Variants in SEMA5A observed in about 807,000 individuals in gnomAD.
The protein encoded by SEMA5A is semaphorin 5A, also known as semaphorin-5A.
Under a neutral mutation model 135.5 loss-of-function variants are expected in SEMA5A, and 55 were observed. The ratio of observed to expected loss-of-function variants is 0.41; its 90% CI spans 0.33 to 0.51. The LOEUF is 0.51. SEMA5A is among the 20% of genes least tolerant of loss of function. The pLI is 0.37. For synonymous variants in SEMA5A, 580 were observed against 546.5 expected (o/e 1.06, Z -0.85); for missense variants, 1,290 against 1,419.9 (o/e 0.91, Z 1.47).
chr5:9,156,934 AGAGT>A (rs1742987386), intron 11 of SEMA5A, among the ~76,000 whole-genome samples: 1 of 152,266 alleles, frequency 6.6e-6, no homozygotes, highest in Non-Finnish European at 1.5e-5. Flanking sequence ...TTGACTTAAA[AGAGT>A]GAGCCATCTT....
chr5:9,525,445 A>C (rs1259882285), intron 1 of SEMA5A, among the ~76,000 whole-genome samples: 3 of 152,230 alleles, frequency 2.0e-5, no homozygotes, highest in African/African-American at 7.2e-5. Context: ...CTTGAGAAAG[A>C]AGCTGAATTC....
chr5:9,215,821 T>TTAA (rs1372251120), intron 8 of SEMA5A, among the ~76,000 whole-genome samples: 1 of 150,042 alleles, frequency 6.7e-6, no homozygotes, highest in African/African-American at 2.4e-5. Context: ...GCCTATCTTA[T>TTAA]TTTTTTTTTC....
chr5:9,265,731 G>A (rs1026963598), intron 5 of SEMA5A, among the ~76,000 whole-genome samples: 5 of 152,270 alleles, frequency 3.3e-5, no homozygotes, highest in African/African-American at 4.8e-5. Context: ...TCCACTTAGC[G>A]TCTGTTTAGG....
In SEMA5A at chr5:9,389,668, GTCCTGACCAACC is replaced by G. The variant is rs201898414; in HGVS notation, c.-77-9657_-77-9646del. 1.4e-3 allele frequency among the ~76,000 whole-genome samples: 209 copies of G among 152,172 alleles called. 4 individuals carry two copies. In the East Asian group the frequency reaches 0.019, roughly 14 times the overall value. On this transcript the variant is annotated intron_variant, in intron 2 of 22. Coordinates refer to ENST00000382496, the MANE Select transcript of SEMA5A (RefSeq NM_003966.3). ...CTCTGGAATCCATGCCCTCCTCTCTGTCCTGACCAACCTCCTGTATTTCTTACCTCTGCAATT... is the reference window on the plus strand; with the variant it reads ...CTCTGGAATCCATGCCCTCCTCTCTGTCCTGTATTTCTTACCTCTGCAATT...
intron 2 of SEMA5A, among the ~76,000 whole-genome samples, chr5:9,425,710 C>G (rs1222925619): frequency 6.6e-6 from 1 of 152,114 alleles, no homozygotes; most frequent in Non-Finnish European, 1.5e-5. Context: ...GAAATAAAAC[C>G]AAGATTCCAT....
chr5:9,100,566 C>T (rs967745438), intron 16 of SEMA5A, among the ~76,000 whole-genome samples: 1 of 152,144 alleles, frequency 6.6e-6, no homozygotes, highest in African/African-American at 2.4e-5. Flanking sequence ...GTGACAAACC[C>T]TAATAGGAGC....
At chr5:9,532,641 T>C (rs1737521004) in intron 1 of SEMA5A, among the ~76,000 whole-genome samples, 1 of 152,150 alleles carries the variant, frequency 6.6e-6, no homozygotes, top group African/African-American at 2.4e-5. Flanking sequence ...AATGTAAATA[T>C]AATTCTTTCA....
chr5:9,523,959 C>T (rs1736977646), intron 1 of SEMA5A, among the ~76,000 whole-genome samples: 1 of 152,164 alleles, frequency 6.6e-6, no homozygotes, highest in African/African-American at 2.4e-5. Flanking sequence ...GTCTAATATG[C>T]TTTAGGTTCT....
chr5:9,388,756 G>A (rs554158438), intron 2 of SEMA5A, among the ~76,000 whole-genome samples: 6 of 152,118 alleles, frequency 3.9e-5, no homozygotes, highest in South Asian at 2.1e-4. Context: ...AAAATTAGCC[G>A]GGCATGGTAG....
At chr5:9,144,954 T>C (rs952204515) in intron 12 of SEMA5A, among the ~76,000 whole-genome samples, 3 of 152,084 alleles carry the variant, frequency 2.0e-5, no homozygotes, top group Non-Finnish European at 4.4e-5. Flanking sequence ...TTCAGTTTAG[T>C]CCGGAGACCA....
chr5:9,203,449 C>T (rs1404717953), intron 8 of SEMA5A, among the ~76,000 whole-genome samples: 1 of 152,056 alleles, frequency 6.6e-6, no homozygotes, highest in African/African-American at 2.4e-5. Flanking sequence ...TGTGTGGCTG[C>T]AAGATAAGCC....
chr5:9,281,534 A>C (rs1380985679), intron 5 of SEMA5A, among the ~76,000 whole-genome samples: 1 of 152,200 alleles, frequency 6.6e-6, no homozygotes, highest in Non-Finnish European at 1.5e-5. Context: ...AACTGTGCCA[A>C]GACGGAGAAA....
chr5:9,516,112 T>G (rs774153906), intron 1 of SEMA5A, among the ~76,000 whole-genome samples: 4 of 152,228 alleles, frequency 2.6e-5, no homozygotes, highest in Admixed American at 6.5e-5. Flanking sequence ...TATAAAGCAC[T>G]GTGCAAGGCA....
intron 1 of SEMA5A, among the ~76,000 whole-genome samples, chr5:9,487,074 T>C (rs268519): frequency 0.97 from 147,099 of 152,072 alleles, 71,384 homozygotes; most frequent in Non-Finnish European, 0.99. Flanking sequence ...TATCACAAGT[T>C]ATGGGAAGAA....
chr5:9,122,028 A>C (rs553004443), intron 14 of SEMA5A, among the ~76,000 whole-genome samples: 2 of 152,366 alleles, frequency 1.3e-5, no homozygotes, highest in South Asian at 4.1e-4. Context: ...TGATCTCAGA[A>C]GTGTTCCTGA....
chr5:9,110,402 A>G (rs959297565), intron 15 of SEMA5A, among the ~76,000 whole-genome samples: 24 of 152,232 alleles, frequency 1.6e-4, no homozygotes, highest in Admixed American at 1.6e-3. Context: ...GGAAGAGCCC[A>G]TAGAACAAAC....
At chr5:9,271,407 C>T (rs1008226653) in intron 5 of SEMA5A, among the ~76,000 whole-genome samples, 5 of 152,114 alleles carry the variant, frequency 3.3e-5, no homozygotes, top group East Asian at 3.9e-4. Flanking sequence ...GAGTGAGGTA[C>T]GGCTATAAAC....
chr5:9,497,232 C>T (rs546406563), intron 1 of SEMA5A, among the ~76,000 whole-genome samples: 2 of 152,330 alleles, frequency 1.3e-5, no homozygotes, highest in South Asian at 4.1e-4. Context: ...TAACCAGCCT[C>T]TATATAGTCA....
intron 16 of SEMA5A, among the ~76,000 whole-genome samples, chr5:9,090,589 CAG>C (rs1178407362): frequency 6.6e-6 from 1 of 152,214 alleles, no homozygotes; most frequent in East Asian, 1.9e-4. Context: ...AAACCTGAAA[CAG>C]ACAGTTCTCC....
Sources: allele counts gnomAD v4.1 joint callset (sites outside exome capture counted in the v4.1 genomes callset), GRCh38; gene constraint gnomAD v4.1.1; transcripts MANE v1.5; gene names NCBI Gene and HGNC (gene_info 2026-07-23, HGNC 2026-07-21).